The following ROBO1 variants were observed in gnomAD, a reference collection of about 807,000 sequenced individuals.
ROBO1 encodes roundabout homolog 1.
In ROBO1, 149 loss-of-function variants were observed where a neutral mutation model predicts 195.9. That is an observed-to-expected ratio of 0.76 (90% CI 0.67 to 0.87). ROBO1 has a LOEUF of 0.87. Ranked by LOEUF, ROBO1 falls within the 40% of genes least tolerant of loss-of-function variation. The pLI is 0.00. For synonymous variants in ROBO1, 816 were observed against 733.2 expected, an observed-to-expected ratio of 1.11 and a Z score of -1.82; for missense variants, 1,933 against 2,068.3, an observed-to-expected ratio of 0.93 and a Z score of 1.27.
chr3:79,378,797 TC>T (rs1392869854), intron 2 of ROBO1, among the ~76,000 whole-genome samples: 1 of 152,194 alleles, frequency 6.6e-6, no homozygotes, highest in African/African-American at 2.4e-5. Context: ...ATCTCCCACA[TC>T]ATATAGCATG....
intron 2 of ROBO1, among the ~76,000 whole-genome samples, chr3:79,564,151 AC>A (rs1331527761): frequency 7.1e-6 from 1 of 140,046 alleles, no homozygotes; most frequent in African/African-American, 2.9e-5. Flanking sequence ...AGACTGAATA[AC>A]AAAAAAAAAG....
chr3:79,163,059 G>A (rs74673794), intron 2 of ROBO1, among the ~76,000 whole-genome samples: 3,738 of 151,928 alleles, frequency 0.025, 128 homozygotes, highest in African/African-American at 0.081. Context: ...ATTTTTAAGC[G>A]TACAGTTCAG....
intron 2 of ROBO1, among the ~76,000 whole-genome samples, chr3:79,344,697 A>ACCG (rs2035042159): frequency 6.6e-6 from 1 of 152,098 alleles, no homozygotes; most frequent in Non-Finnish European, 1.5e-5. Context: ...GTAAAAATGC[A>ACCG]TACATATATG....
intron 3 of ROBO1, among the ~76,000 whole-genome samples, chr3:79,085,579 C>T (rs1214451328): frequency 1.3e-5 from 2 of 152,094 alleles, no homozygotes; most frequent in Non-Finnish European, 2.9e-5. Context: ...TGATAAAGTG[C>T]TGCTGTACAT....
intron 3 of ROBO1, among the ~76,000 whole-genome samples, chr3:79,107,615 T>C (rs892826036): frequency 6.6e-6 from 1 of 151,678 alleles, no homozygotes. Flanking sequence ...ATTAAAATGT[T>C]GGGTGTTGAT....
At chr3:78,667,789 T>C (rs1707819256) in intron 14 of ROBO1, 94 bp downstream of exon 14, 12 of 1,279,350 alleles carry the variant, frequency 9.4e-6, no homozygotes, top group Non-Finnish European at 1.3e-5. Context: ...ACTGTAAATG[T>C]ACAATTCTAG....
At chr3:79,417,459 G>C (rs1294589174) in intron 2 of ROBO1, among the ~76,000 whole-genome samples, 2 of 152,104 alleles carry the variant, frequency 1.3e-5, no homozygotes, top group Admixed American at 6.6e-5. Flanking sequence ...GAACCTCTCA[G>C]CTAAGCTACT....
intron 3 of ROBO1, among the ~76,000 whole-genome samples, chr3:78,951,537 C>G (rs1458224073): frequency 1.3e-5 from 2 of 152,000 alleles, no homozygotes; most frequent in African/African-American, 4.8e-5. Context: ...CAACACCACA[C>G]AGACTGATGA....
At chr3:79,357,674 G>A (rs2035610519) in intron 2 of ROBO1, among the ~76,000 whole-genome samples, 1 of 152,088 alleles carries the variant, frequency 6.6e-6, no homozygotes, top group African/African-American at 2.4e-5. Context: ...CTGAGGACAA[G>A]GTGGTTTGGA....
intron 4 of ROBO1, among the ~76,000 whole-genome samples, chr3:78,928,766 C>G (rs1372808177): frequency 1.3e-5 from 2 of 152,204 alleles, no homozygotes; most frequent in African/African-American, 4.8e-5. Flanking sequence ...AGAACACTCT[C>G]ATAAGCTATG....
intron 3 of ROBO1, among the ~76,000 whole-genome samples, chr3:78,960,011 T>A (rs2041255630): frequency 1.3e-5 from 2 of 151,912 alleles, no homozygotes; most frequent in African/African-American, 4.8e-5. Context: ...CAGCAAAAAT[T>A]GTCTAATCAA....
chr3:78,659,886 T>A, intron 16 of ROBO1, 79 bp from the exon 17 acceptor site: 2 of 1,058,922 alleles, frequency 1.9e-6, no homozygotes, highest in Non-Finnish European at 2.7e-6. Flanking sequence ...TCAAACCCAA[T>A]AATAGATGTA....
intron 2 of ROBO1, among the ~76,000 whole-genome samples, chr3:79,454,680 C>G (rs2039557614): frequency 6.6e-6 from 1 of 152,024 alleles, no homozygotes; most frequent in Admixed American, 6.6e-5. Flanking sequence ...ATACTTTTTT[C>G]TTAAACTATA....
chr3:78,636,828 A>T (rs1705529780), intron 22 of ROBO1, among the ~76,000 whole-genome samples: 1 of 150,582 alleles, frequency 6.6e-6, no homozygotes, highest in African/African-American at 2.4e-5. Flanking sequence ...AATAAGCCTG[A>T]AATAATACTT....
intron 2 of ROBO1, among the ~76,000 whole-genome samples, chr3:79,496,907 T>G (rs1939778488): frequency 1.3e-5 from 2 of 152,190 alleles, no homozygotes; most frequent in Admixed American, 6.5e-5. Flanking sequence ...TTTCCAAAAC[T>G]GGTTGTTTAT....
chr3:79,052,833 G>A (rs534336618), intron 3 of ROBO1, among the ~76,000 whole-genome samples: 38 of 152,090 alleles, frequency 2.5e-4, no homozygotes, highest in Admixed American at 3.9e-4. Context: ...TCATTGGTTC[G>A]GTCCACAGAA....
chr3:78,890,089 C>T (rs2036802920), intron 4 of ROBO1, among the ~76,000 whole-genome samples: 1 of 151,994 alleles, frequency 6.6e-6, no homozygotes, highest in Non-Finnish European at 1.5e-5. Context: ...TTTGCTTAAG[C>T]TCTTAATAGC....
chr3:78,891,327 TATAAGAATGGCCA>T (rs1182090291), intron 4 of ROBO1, among the ~76,000 whole-genome samples: 1 of 150,740 alleles, frequency 6.6e-6, no homozygotes, highest in Non-Finnish European at 1.5e-5. Context: ...TCGCAAAAGA[TATAAGAATGGCCA>T]ATACGCACAT....
chr3:78,802,699 G>A (rs1435386770), intron 4 of ROBO1, among the ~76,000 whole-genome samples: 2 of 133,458 alleles, frequency 1.5e-5, no homozygotes, highest in Non-Finnish European at 3.2e-5. Context: ...GAAGGAGCCT[G>A]CGGTCTAGCA....
Sources: gnomAD v4.1 joint callset for allele counts (sites outside exome capture counted in the v4.1 genomes callset) on GRCh38, gnomAD v4.1.1 for gene constraint, MANE v1.5 for transcripts, NCBI Gene and HGNC (gene_info 2026-07-23, HGNC 2026-07-21) for gene names.